Variants in GABRB1 observed in about 807,000 individuals in gnomAD.
The protein encoded by GABRB1 is gamma-aminobutyric acid type A receptor subunit beta1, also known as gamma-aminobutyric acid receptor subunit beta-1.
Under a neutral mutation model 51.6 loss-of-function variants are expected in GABRB1, and 17 were observed. That is an observed-to-expected ratio of 0.33 (90% confidence interval 0.23 to 0.49). GABRB1 has a LOEUF of 0.49. GABRB1 is among the 20% of genes least tolerant of loss of function. GABRB1 has a pLI of 0.99. For synonymous variants in GABRB1, 247 were observed against 218.9 expected, an observed-to-expected ratio of 1.13 and a Z score of -1.14; for missense variants, 410 against 600.6, an observed-to-expected ratio of 0.68 and a Z score of 3.32.
intron 3 of GABRB1, among the ~76,000 whole-genome samples, chr4:47,106,928 T>A (rs1374299041): frequency 6.6e-6 from 1 of 152,102 alleles, no homozygotes; most frequent in East Asian, 1.9e-4. Flanking sequence ...GGTAACTGCT[T>A]CTCATTCTGT....
At chr4:47,099,657 T>C (rs1714637055) in intron 3 of GABRB1, among the ~76,000 whole-genome samples, 1 of 152,092 alleles carries the variant, frequency 6.6e-6, no homozygotes, top group Non-Finnish European at 1.5e-5. Context: ...CAAATGATGC[T>C]TCTCAGTCAT....
At chr4:47,295,452 A>G (rs1338325386) in intron 4 of GABRB1, among the ~76,000 whole-genome samples, 4 of 152,236 alleles carry the variant, frequency 2.6e-5, no homozygotes, top group Non-Finnish European at 4.4e-5. Flanking sequence ...CGAGAACTAC[A>G]TGAAGAATGC....
At chr4:47,272,814 A>G (rs1054698401) in intron 4 of GABRB1, among the ~76,000 whole-genome samples, 6 of 152,264 alleles carry the variant, frequency 3.9e-5, no homozygotes, top group Admixed American at 3.3e-4. Flanking sequence ...GCTGTTATAA[A>G]TAGTGCTATA....
chr4:47,289,076 G>T (rs1303022007), intron 4 of GABRB1, among the ~76,000 whole-genome samples: 1 of 151,638 alleles, frequency 6.6e-6, no homozygotes, highest in Non-Finnish European at 1.5e-5. Context: ...TTGCTTCTGA[G>T]CCAGGGAGAC....
At chr4:47,092,157 CTTTCTTTCTTTTTT>C (rs1728326841) in intron 3 of GABRB1, among the ~76,000 whole-genome samples, 4 of 99,742 alleles carry the variant, frequency 4.0e-5, no homozygotes, top group African/African-American at 1.8e-4. Context: ...TTCTTTCTTT[CTTTCTTTCTTTTTT>C]TTTTTTTTTT....
intron 3 of GABRB1, among the ~76,000 whole-genome samples, chr4:47,151,342 C>G (rs1027992828): frequency 2.0e-5 from 3 of 152,042 alleles, no homozygotes; most frequent in African/African-American, 7.2e-5. Context: ...CCCTTTTAAG[C>G]TCTGTACTTA....
intron 7 of GABRB1, among the ~76,000 whole-genome samples, chr4:47,404,204 A>G (rs981094874): frequency 6.6e-6 from 1 of 152,180 alleles, no homozygotes; most frequent in African/African-American, 2.4e-5. Context: ...AGTTTATTAC[A>G]CTTGAATAAG....
At chr4:47,170,637 G>T (rs1432077240) in intron 4 of GABRB1, among the ~76,000 whole-genome samples, 1 of 152,166 alleles carries the variant, frequency 6.6e-6, no homozygotes, top group African/African-American at 2.4e-5. Context: ...CTGTGCGGTT[G>T]ATTGCAGGAA....
At chr4:47,344,635 T>TA (rs1008798579) in intron 5 of GABRB1, among the ~76,000 whole-genome samples, 29 of 152,122 alleles carry the variant, frequency 1.9e-4, no homozygotes, top group Non-Finnish European at 1.5e-4. Flanking sequence ...TACATTTTTT[T>TA]AAAAAAAATC....
At chr4:47,239,929 A>G (rs1721463849) in intron 4 of GABRB1, among the ~76,000 whole-genome samples, 1 of 152,092 alleles carries the variant, frequency 6.6e-6, no homozygotes, top group South Asian at 2.1e-4. Flanking sequence ...CTTCATGTAC[A>G]TTTCTACTCC....
intron 4 of GABRB1, among the ~76,000 whole-genome samples, chr4:47,165,161 A>G (rs1197769292): frequency 1.3e-5 from 2 of 152,034 alleles, no homozygotes; most frequent in Non-Finnish European, 2.9e-5. Flanking sequence ...ACCTCCGTCT[A>G]TGTCACTTAA....
chr4:47,299,491 G>T (rs1724156815), intron 4 of GABRB1, among the ~76,000 whole-genome samples: 1 of 152,138 alleles, frequency 6.6e-6, no homozygotes, highest in African/African-American at 2.4e-5. Context: ...ATGAAAAAAT[G>T]CTCATCATCA....
chr4:47,057,054 G>A (rs926670339), intron 3 of GABRB1, among the ~76,000 whole-genome samples: 4 of 152,072 alleles, frequency 2.6e-5, no homozygotes, highest in Non-Finnish European at 4.4e-5. Context: ...GCAGTGAGCC[G>A]AGATCACGCC....
At chr4:47,314,520 G>T (rs183042782) in intron 4 of GABRB1, among the ~76,000 whole-genome samples, 4 of 152,100 alleles carry the variant, frequency 2.6e-5, no homozygotes, top group African/African-American at 7.2e-5. Flanking sequence ...ACTAAATAAA[G>T]TGAGATGTGC....
At chr4:47,267,167 A>G (rs1722669733) in intron 4 of GABRB1, among the ~76,000 whole-genome samples, 1 of 152,130 alleles carries the variant, frequency 6.6e-6, no homozygotes, top group South Asian at 2.1e-4. Context: ...ATAGAATTTA[A>G]AAGAAACAGA....
chr4:47,335,905 G>A (rs1673351989), intron 5 of GABRB1, among the ~76,000 whole-genome samples: 1 of 152,130 alleles, frequency 6.6e-6, no homozygotes, highest in African/African-American at 2.4e-5. Context: ...GAATACAGAA[G>A]ATTTAAACCT....
intron 5 of GABRB1, among the ~76,000 whole-genome samples, chr4:47,367,682 G>A (rs889419787): frequency 6.6e-6 from 1 of 152,188 alleles, no homozygotes; most frequent in African/African-American, 2.4e-5. Flanking sequence ...TCTCCTCAAT[G>A]TTCATCTTAT....
chr4:47,382,916 G>A (rs913676596), intron 5 of GABRB1, among the ~76,000 whole-genome samples: 1 of 152,092 alleles, frequency 6.6e-6, no homozygotes, highest in Non-Finnish European at 1.5e-5. Context: ...AATAATAATC[G>A]AATCAGTTCT....
At chr4:47,113,046 C>T (rs1202643572) in intron 3 of GABRB1, among the ~76,000 whole-genome samples, 1 of 151,948 alleles carries the variant, frequency 6.6e-6, no homozygotes, top group Non-Finnish European at 1.5e-5. Context: ...GAAAGGTATA[C>T]AGGAATGTTA....
Sources: gnomAD v4.1 joint callset for allele counts (sites outside exome capture counted in the v4.1 genomes callset) on GRCh38, gnomAD v4.1.1 for gene constraint, MANE v1.5 for transcripts, NCBI Gene and HGNC (gene_info 2026-07-23, HGNC 2026-07-21) for gene names.